Variants in STK3 observed in about 807,000 individuals in gnomAD.
The protein encoded by STK3 is serine/threonine-protein kinase 3.
Under a neutral mutation model 58.0 loss-of-function variants are expected in STK3, and 41 were observed. The ratio of observed to expected loss-of-function variants is 0.71; its 90% CI spans 0.55 to 0.92. The LOEUF is 0.92. STK3 is among the 40% of genes least tolerant of loss of function. STK3 has a pLI of 0.00. For missense variants in STK3, 479 were observed against 602.7 expected (o/e 0.79, Z 2.15); for synonymous variants, 170 against 191.0 (o/e 0.89, Z 0.91).
At position 98,851,087 on chromosome 8, in the gene STK3, A is replaced by G. The variant is rs146322689; in HGVS notation, c.110+32560T>C. On this transcript the variant is annotated intron_variant, in intron 3 of 12. Coordinates refer to the STK3 transcript ENST00000523601. ...ATATAGCTAAAACCTCCTCACCTTTAAGCATCTGAGCTCAATGCTCACATT... is the reference window on the plus strand; with the variant it reads ...ATATAGCTAAAACCTCCTCACCTTTGAGCATCTGAGCTCAATGCTCACATT... 8.5e-3 allele frequency among the ~76,000 whole-genome samples: 1,296 copies of G among 152,246 alleles called. 12 individuals carry two copies. The highest frequency in any genetic ancestry group is 0.029 in the African/African-American group (1,218 of 41,536).
rs371776932 is a variant in STK3 at position 98,707,196 on chromosome 8, G to C, written c.467C>G (p.Thr156Arg). The C allele has an allele frequency of 6.8e-6, 11 of 1,612,420 alleles. No individual in the cohort carries two copies. The highest frequency in any genetic ancestry group is 8.5e-6 in the Non-Finnish European group (10 of 1,179,522). ...DIKAGNILLN[T>R]EGHAKLADFG... Reference sequence around the variant, plus strand: ...ATCTGCCAATTTTGCATGTCCTTCTGTATTGAGGAGAATATTTCCAGCTTT... The same window carrying C: ...ATCTGCCAATTTTGCATGTCCTTCTCTATTGAGGAGAATATTTCCAGCTTT... Residue 156 changes from threonine (T) to arginine (R), a missense_variant, in exon 5 of 11, where the codon ACA becomes AGA. By Grantham distance (71) the Thr-to-Arg change is moderately conservative. Coordinates refer to ENST00000419617, the MANE Select transcript of STK3 (RefSeq NM_006281.4).
intron 1 of STK3, among the ~76,000 whole-genome samples, chr8:98,789,422 T>C (rs1832670003): frequency 6.6e-6 from 1 of 151,602 alleles, no homozygotes; most frequent in Non-Finnish European, 1.5e-5. Flanking sequence ...CAGAAATAAA[T>C]TAAATTGAAA....
At chr8:98,539,181 A>G (rs995952420) in intron 9 of STK3, among the ~76,000 whole-genome samples, 1 of 152,190 alleles carries the variant, frequency 6.6e-6, no homozygotes, top group Non-Finnish European at 1.5e-5. Flanking sequence ...CCTTTGGCTC[A>G]AGGCTGTACG....
chr8:98,858,321 T>TAG lies in STK3; in HGVS notation c.110+25325_110+25326insCT, dbSNP rs1404140117. 9.3e-3 allele frequency among the ~76,000 whole-genome samples: 296 copies of TAG among 31,852 alleles called. 2 individuals are homozygous for TAG. Among genetic ancestry groups the TAG allele is most frequent in the East Asian group, 0.015 (13 of 874 alleles). 20.9% of individuals were successfully genotyped at this position (31,852 alleles called of 152,430 possible). On this transcript the variant is annotated intron_variant, in intron 3 of 12. Transcript: ENST00000523601. Reference sequence around the variant, plus strand: ...ATATATATATATATATATATATATATATAGAGAGAGAGAGAGAGAGAGAGA... The same window carrying TAG: ...ATATATATATATATATATATATATATAGATAGAGAGAGAGAGAGAGAGAGAGA...
At chr8:98,368,065 TA>T (rs11303065), downstream of STK3, among the ~76,000 whole-genome samples, 74,030 of 151,972 alleles carry the variant, frequency 0.49, 18,279 homozygotes, top group Non-Finnish European at 0.51. Context: ...GGGGTCAGAA[TA>T]AACAGAGAAA....
downstream of STK3, among the ~76,000 whole-genome samples, chr8:98,398,055 C>T (rs1006885185): frequency 1.3e-5 from 2 of 152,194 alleles, no homozygotes; most frequent in African/African-American, 2.4e-5. Context: ...CTGTGGGCTT[C>T]CCTATCTCTT....
intron 5 of STK3, 143 bp from the exon 6 acceptor site, chr8:98,706,777 G>T: frequency 1.0e-6 from 1 of 980,888 alleles, no homozygotes; most frequent in Non-Finnish European, 1.4e-6. Flanking sequence ...ATTTCAACTA[G>T]TTATGACATA....
chr8:98,783,253 T>C (rs1832229937), intron 1 of STK3, among the ~76,000 whole-genome samples: 1 of 152,192 alleles, frequency 6.6e-6, no homozygotes, highest in South Asian at 2.1e-4. Context: ...CTGTAGTCTA[T>C]TATGTGTACA....
chr8:98,516,296 T>C (rs899831542), intron 10 of STK3, among the ~76,000 whole-genome samples: 4 of 151,958 alleles, frequency 2.6e-5, no homozygotes, highest in Admixed American at 6.6e-5. Flanking sequence ...ATATACAATA[T>C]GGAAAGACAC....
At chr8:98,840,626 T>TATATATATAC (rs1554689095) in intron 3 of STK3, among the ~76,000 whole-genome samples, 1 of 133,414 alleles carries the variant, frequency 7.5e-6, no homozygotes, top group African/African-American at 2.9e-5. Context: ...TATATATATA[T>TATATATATAC]ATACACACAC....
intron 3 of STK3, among the ~76,000 whole-genome samples, chr8:98,838,773 T>C (rs1835845774): frequency 6.6e-6 from 1 of 152,118 alleles, no homozygotes; most frequent in Non-Finnish European, 1.5e-5. Flanking sequence ...AAAGTTTTCC[T>C]GAAAACCTGC....
intron 3 of STK3, among the ~76,000 whole-genome samples, chr8:98,842,950 G>A (rs553765201): frequency 6.6e-6 from 1 of 152,208 alleles, no homozygotes; most frequent in East Asian, 1.9e-4. Flanking sequence ...CTGGGACGTG[G>A]AGGCTGCAGT....
chr8:98,648,890 CAA>C (rs1190143845), intron 6 of STK3, among the ~76,000 whole-genome samples: 13 of 122,852 alleles, frequency 1.1e-4, no homozygotes, highest in Non-Finnish European at 8.8e-5. Flanking sequence ...GACTCCGTCT[CAA>C]AAAAAAAAAA....
At chr8:98,907,018 C>T (rs1049962172) in intron 1 of STK3, among the ~76,000 whole-genome samples, 8 of 142,440 alleles carry the variant, frequency 5.6e-5, no homozygotes, top group East Asian at 1.9e-4. Context: ...ATTAGCCAGG[C>T]ATGGTGGTAT....
At chr8:98,679,814 A>C (rs1175136757) in intron 6 of STK3, among the ~76,000 whole-genome samples, 2 of 152,232 alleles carry the variant, frequency 1.3e-5, no homozygotes, top group Non-Finnish European at 2.9e-5. Context: ...ATGACTTTCT[A>C]AGTGACTTTG....
chr8:98,603,121 T>C (rs545065616), intron 6 of STK3: 297 of 152,252 alleles, frequency 2.0e-3, no homozygotes, highest in African/African-American at 6.8e-3. Context: ...TTAATGGTAT[T>C]ATGTCAAAAG....
intron 6 of STK3, among the ~76,000 whole-genome samples, chr8:98,599,714 G>A (rs1281051237): frequency 6.6e-6 from 1 of 152,168 alleles, no homozygotes; most frequent in Non-Finnish European, 1.5e-5. Flanking sequence ...ACTCATGCCT[G>A]TAATCCCAAC....
chr8:98,831,782 G>T (rs1158565649), intron 3 of STK3, among the ~76,000 whole-genome samples: 1 of 152,090 alleles, frequency 6.6e-6, no homozygotes, highest in Non-Finnish European at 1.5e-5. Context: ...TAGTTAGTTT[G>T]AAACTAGCAT....
At chr8:98,401,906 T>G (rs1281503260) in intron 3 of STK3, among the ~76,000 whole-genome samples, 1 of 152,156 alleles carries the variant, frequency 6.6e-6, no homozygotes, top group Non-Finnish European at 1.5e-5. Context: ...GAGCAATTAT[T>G]CTTGTGCGCA....
Sources: gnomAD v4.1 joint callset for allele counts (sites outside exome capture counted in the v4.1 genomes callset) on GRCh38, gnomAD v4.1.1 for gene constraint, MANE v1.5 for transcripts, NCBI Gene and HGNC (gene_info 2026-07-23, HGNC 2026-07-21) for gene names.